Variants in FSTL5 observed in about 807,000 individuals in gnomAD.
The protein encoded by FSTL5 is follistatin-related protein 5.
Under a neutral mutation model 89.1 loss-of-function variants are expected in FSTL5, and 62 were observed. That is an observed-to-expected ratio of 0.70 (90% CI 0.57 to 0.86). FSTL5 has a LOEUF of 0.86. Among genes scored for constraint, FSTL5 ranks in the 40% least tolerant of loss-of-function variants. FSTL5 has a pLI of 0.00. For synonymous variants in FSTL5, 383 were observed against 346.2 expected (o/e 1.11, Z -1.18); for missense variants, 1,057 against 1,001.6 (o/e 1.06, Z -0.75).
At chr4:161,590,851 T>A (rs1299361169) in intron 7 of FSTL5, among the ~76,000 whole-genome samples, 7 of 152,170 alleles carry the variant, frequency 4.6e-5, no homozygotes, top group Non-Finnish European at 8.8e-5. Context: ...CTCAAAAAGC[T>A]AAACTAAGTT....
At chr4:161,791,125 T>C (rs1251180325) in intron 4 of FSTL5, among the ~76,000 whole-genome samples, 1 of 151,780 alleles carries the variant, frequency 6.6e-6, no homozygotes, top group Non-Finnish European at 1.5e-5. Flanking sequence ...CAAAGAAAAA[T>C]TTAGCACTTA....
At chr4:162,053,555 C>T (rs959249012) in intron 2 of FSTL5, among the ~76,000 whole-genome samples, 10 of 151,594 alleles carry the variant, frequency 6.6e-5, no homozygotes, top group African/African-American at 2.2e-4. Context: ...AGACTATGCT[C>T]CCCCAAATTT....
intron 6 of FSTL5, among the ~76,000 whole-genome samples, chr4:161,705,995 TACAC>T (rs771833603): frequency 0.21 from 7,721 of 37,638 alleles, 785 homozygotes; most frequent in East Asian, 0.44. Context: ...TATATATATA[TACAC>T]ACATCTACAC....
At chr4:162,035,825 G>A (rs1425595402) in intron 2 of FSTL5, among the ~76,000 whole-genome samples, 2 of 152,120 alleles carry the variant, frequency 1.3e-5, no homozygotes, top group African/African-American at 4.8e-5. Context: ...TGTGGTAGCA[G>A]TGTATTTGGA....
intron 15 of FSTL5, among the ~76,000 whole-genome samples, chr4:161,454,445 G>A (rs1164588517): frequency 6.6e-6 from 1 of 152,076 alleles, no homozygotes; most frequent in Non-Finnish European, 1.5e-5. Flanking sequence ...TACATCAAGA[G>A]ATAAAACACA....
intron 7 of FSTL5, among the ~76,000 whole-genome samples, chr4:161,596,686 T>G (rs1417569652): frequency 6.6e-6 from 1 of 152,106 alleles, no homozygotes; most frequent in African/African-American, 2.4e-5. Context: ...AAATGGTTGT[T>G]GAGGATCACG....
At chr4:161,598,804 T>G (rs1333929685) in intron 7 of FSTL5, among the ~76,000 whole-genome samples, 4 of 152,122 alleles carry the variant, frequency 2.6e-5, no homozygotes, top group African/African-American at 9.6e-5. Flanking sequence ...AAACTGGACT[T>G]CTACCTCACA....
Position 161,500,136 on chromosome 4 carries a change from T to A in FSTL5, c.1340-2A>T. On this transcript the variant is annotated splice_acceptor_variant, in intron 11 of 15. Transcript: ENST00000306100. LOFTEE classifies it high-confidence loss of function. Reference sequence around the variant, plus strand: ...AGAACATGTTCCCAATTCCCAGACCTTAGGAATAAAAACACATTTAAATGT... The same window carrying A: ...AGAACATGTTCCCAATTCCCAGACCATAGGAATAAAAACACATTTAAATGT... 1 of 1,534,252 alleles carries A rather than the reference T, an allele frequency of 6.5e-7. No individual in the cohort carries two copies. The highest frequency in any genetic ancestry group is 8.9e-7 in the Non-Finnish European group (1 of 1,117,340).
intron 4 of FSTL5, among the ~76,000 whole-genome samples, chr4:161,870,155 A>G (rs1437491087): frequency 6.6e-6 from 1 of 152,170 alleles, no homozygotes; most frequent in Non-Finnish European, 1.5e-5. Context: ...TACAAACCCC[A>G]TAAGATAAAA....
intron 5 of FSTL5, among the ~76,000 whole-genome samples, chr4:161,771,923 C>T (rs966602849): frequency 7.2e-5 from 11 of 152,134 alleles, no homozygotes; most frequent in Admixed American, 4.6e-4. Flanking sequence ...CAATTATGGA[C>T]AATTCTGTTA....
At chr4:162,103,947 A>C (rs1381891162) in intron 2 of FSTL5, among the ~76,000 whole-genome samples, 2 of 152,218 alleles carry the variant, frequency 1.3e-5, no homozygotes, top group Admixed American at 1.3e-4. Context: ...TAGAGCTGGC[A>C]AGGGCAACCC....
chr4:161,482,187 G>C (rs748445077), intron 12 of FSTL5, among the ~76,000 whole-genome samples: 6 of 152,040 alleles, frequency 3.9e-5, no homozygotes, highest in Non-Finnish European at 8.8e-5. Flanking sequence ...GTGGTGGTGG[G>C]CACCTGTAGT....
intron 3 of FSTL5, among the ~76,000 whole-genome samples, chr4:161,940,592 C>T (rs1300140186): frequency 2.0e-5 from 3 of 151,294 alleles, no homozygotes; most frequent in Admixed American, 6.6e-5. Flanking sequence ...AACACAGAGG[C>T]CAGAGGTAGT....
chr4:161,920,887 C>T (rs1425681767), intron 3 of FSTL5, among the ~76,000 whole-genome samples: 1 of 152,034 alleles, frequency 6.6e-6, no homozygotes, highest in African/African-American at 2.4e-5. Context: ...TTCTCCCTCC[C>T]CAGAGAAGTG....
At chr4:161,689,796 T>C (rs1165987303) in intron 6 of FSTL5, among the ~76,000 whole-genome samples, 1 of 152,156 alleles carries the variant, frequency 6.6e-6, no homozygotes, top group Non-Finnish European at 1.5e-5. Flanking sequence ...ATTAAGCAAC[T>C]ACTTAGTATT....
At chr4:161,958,865 T>C (rs189852939) in intron 3 of FSTL5, among the ~76,000 whole-genome samples, 4 of 152,226 alleles carry the variant, frequency 2.6e-5, no homozygotes, top group Admixed American at 6.6e-5. Context: ...GTCTGGTATT[T>C]TTTGCTGTGT....
chr4:161,584,542 G>A (rs1733542201), intron 8 of FSTL5, among the ~76,000 whole-genome samples: 1 of 152,128 alleles, frequency 6.6e-6, no homozygotes, highest in African/African-American at 2.4e-5. Flanking sequence ...TTGAATGCAG[G>A]TGCTTTGCAG....
intron 1 of FSTL5, among the ~76,000 whole-genome samples, chr4:162,156,277 C>G (rs753737212): frequency 6.6e-6 from 1 of 152,146 alleles, no homozygotes; most frequent in Non-Finnish European, 1.5e-5. Flanking sequence ...AAAGGCAAAT[C>G]TTATATGCTA....
intron 15 of FSTL5, among the ~76,000 whole-genome samples, chr4:161,438,191 A>G (rs1560895168): frequency 1.3e-5 from 2 of 152,352 alleles, no homozygotes; most frequent in South Asian, 4.1e-4. Context: ...CTATGGATGT[A>G]AAGAAATTTA....
Sources: allele counts gnomAD v4.1 joint callset (sites outside exome capture counted in the v4.1 genomes callset), GRCh38; gene constraint gnomAD v4.1.1; transcripts MANE v1.5; gene names NCBI Gene and HGNC (gene_info 2026-07-23, HGNC 2026-07-21).